Variants in ACOXL observed in about 807,000 individuals in gnomAD.
ACOXL encodes acyl-coenzyme A oxidase-like protein.
ACOXL carries 70 observed loss-of-function variants against 71.9 expected under a neutral mutation model. The ratio of observed to expected loss-of-function variants is 0.97; its 90% confidence interval spans 0.80 to 1.19. ACOXL has a LOEUF of 1.19. Ranked by LOEUF, ACOXL falls within the 50% of genes most tolerant of loss-of-function variation. The pLI is 0.00. For missense variants in ACOXL, 703 were observed against 736.3 expected (o/e 0.95, Z 0.52); for synonymous variants, 253 against 281.6 (o/e 0.90, Z 1.02).
intron 1 of ACOXL, among the ~76,000 whole-genome samples, chr2:110,752,801 C>T (rs1394504182): frequency 6.6e-6 from 1 of 152,058 alleles, no homozygotes; most frequent in African/African-American, 2.4e-5. Flanking sequence ...AATTTAGCAG[C>T]TTAAACCCCA....
At chr2:111,000,702 TC>T (rs1252364342) in intron 14 of ACOXL, among the ~76,000 whole-genome samples, 1 of 152,038 alleles carries the variant, frequency 6.6e-6, no homozygotes, top group Non-Finnish European at 1.5e-5. Context: ...CTCTCCAGGC[TC>T]CCCCTCTGTC....
intron 12 of ACOXL, among the ~76,000 whole-genome samples, chr2:110,985,395 G>A (rs1270480691): frequency 6.6e-6 from 1 of 151,950 alleles, no homozygotes; most frequent in African/African-American, 2.4e-5. Flanking sequence ...ATGAAATCAC[G>A]GATCACATAA....
At position 111,118,129 on chromosome 2, in the gene ACOXL, C is replaced by A. The variant is rs921207140; in HGVS notation, c.*313C>A. On this transcript the variant is annotated 3_prime_UTR_variant, in exon 18 of 18. Transcript: ENST00000439055. ...ATCAGGGTGGGCTCCCCGCTGCGAG[C>A]GCGCCCCACAGCCGGGTGCCGCCAA... 1.5e-5 allele frequency: 7 copies of A among 473,686 alleles called. No homozygotes were observed. The Admixed American group carries it at 1.5e-4, about 10-fold the overall frequency. 29.3% of individuals were successfully genotyped at this position (473,686 alleles called of 1,614,324 possible).
chr2:111,066,330 A>G (rs2067070050), intron 16 of ACOXL, among the ~76,000 whole-genome samples: 1 of 152,234 alleles, frequency 6.6e-6, no homozygotes, highest in Non-Finnish European at 1.5e-5. Flanking sequence ...ATATGACAAA[A>G]TTATATGGAG....
At chr2:110,950,703 A>G (rs945760076) in intron 12 of ACOXL, among the ~76,000 whole-genome samples, 3 of 152,178 alleles carry the variant, frequency 2.0e-5, no homozygotes, top group African/African-American at 7.2e-5. Context: ...ATTTGTGATC[A>G]TCTTACATCT....
At chr2:110,966,656 T>G (rs745787157) in intron 12 of ACOXL, among the ~76,000 whole-genome samples, 22 of 152,214 alleles carry the variant, frequency 1.4e-4, no homozygotes, top group Non-Finnish European at 3.2e-4. Context: ...GTGGGGGAGT[T>G]AATATCCTTC....
Position 110,963,661 on chromosome 2 carries a change from G to A in ACOXL, c.1060-23447G>A, listed in dbSNP as rs1465213795. On this transcript the variant is annotated intron_variant, in intron 12 of 17. Coordinates refer to ENST00000439055, the MANE Select transcript of ACOXL (RefSeq NM_001142807.4). ...GAAAATCGAATCTCAGGCTTAAAGT[G>A]TGACACAGATGTGTTTGCCACTTTT... The A allele has an allele frequency of 6.2e-6, 10 of 1,613,958 alleles. No individual in the cohort carries two copies. The East Asian group carries it at 6.7e-5, about 11-fold the overall frequency.
intron 10 of ACOXL, among the ~76,000 whole-genome samples, chr2:110,853,910 CTT>C (rs1160875655): frequency 2.8e-5 from 3 of 109,064 alleles, no homozygotes; most frequent in Non-Finnish European, 5.9e-5. Context: ...ATCTAGGACA[CTT>C]GTTTTTTTTT....
intron 2 of ACOXL, among the ~76,000 whole-genome samples, chr2:110,778,406 A>G (rs763231134): frequency 7.2e-5 from 11 of 152,200 alleles, no homozygotes; most frequent in Admixed American, 2.0e-4. Flanking sequence ...GCATATCCCA[A>G]TCTGGTCTTT....
At chr2:111,004,854 G>A (rs1480332072) in intron 14 of ACOXL, among the ~76,000 whole-genome samples, 1 of 152,164 alleles carries the variant, frequency 6.6e-6, no homozygotes, top group African/African-American at 2.4e-5. Context: ...AGTGATAGCA[G>A]CCACTCTGTG....
At chr2:110,849,400 A>G (rs1379930946) in intron 10 of ACOXL, among the ~76,000 whole-genome samples, 1 of 152,258 alleles carries the variant, frequency 6.6e-6, no homozygotes, top group Non-Finnish European at 1.5e-5. Context: ...CACAGCTCAA[A>G]TTAAAATCCC....
chr2:110,771,660 T>G (rs1206957125), intron 2 of ACOXL, among the ~76,000 whole-genome samples: 2 of 152,238 alleles, frequency 1.3e-5, no homozygotes, highest in Non-Finnish European at 1.5e-5. Flanking sequence ...TGAGTCTGAT[T>G]GCAGAGTGTG....
At chr2:111,098,457 C>T (rs1229749204) in intron 17 of ACOXL, 1 of 152,146 alleles carries the variant, frequency 6.6e-6, no homozygotes, top group Admixed American at 6.5e-5. Context: ...CTGCCTAGTA[C>T]CCATTAAAAC....
chr2:111,092,992 C>A, intron 17 of ACOXL, 26 bp downstream of exon 17: 1 of 1,561,822 alleles, frequency 6.4e-7, no homozygotes, highest in Non-Finnish European at 8.8e-7. Flanking sequence ...TACAGAAAAA[C>A]ACTTTGTACA....
At position 110,793,713 on chromosome 2, in the gene ACOXL, A is replaced by T; in HGVS notation, c.223A>T (p.Thr75Ser). 1 of 1,614,130 alleles carries T rather than the reference A, an allele frequency of 6.2e-7. No individual in the cohort carries two copies. The highest frequency in any genetic ancestry group is 1.1e-5 in the South Asian group (1 of 91,086). The change falls in exon 4 of 18, where the codon ACT becomes TCT. Residue 75 changes from threonine (T) to serine (S), a missense_variant. Thr to Ser is a moderately conservative substitution (Grantham distance 58, BLOSUM62 1). Coordinates refer to ENST00000439055, the MANE Select transcript of ACOXL (RefSeq NM_001142807.4). ...IRNLGSPEHVTKWFQPLQEQK... is the reference protein window; with the variant it reads ...IRNLGSPEHVSKWFQPLQEQK... ...GAATCTCGGAAGCCCTGAACATGTT[A>T]CTAAGTGGTTTCAGCCACTCCAGGT...
At chr2:110,758,523 G>T (rs1466603249) in intron 1 of ACOXL, among the ~76,000 whole-genome samples, 1 of 152,144 alleles carries the variant, frequency 6.6e-6, no homozygotes, top group East Asian at 1.9e-4. Flanking sequence ...TGTGGGGTCA[G>T]TAGTGATATC....
chr2:110,991,372 C>G (rs2063164500), intron 13 of ACOXL, among the ~76,000 whole-genome samples: 1 of 152,058 alleles, frequency 6.6e-6, no homozygotes, highest in Admixed American at 6.5e-5. Context: ...TGATTTTTCC[C>G]TTTGATCCTT....
intron 11 of ACOXL, among the ~76,000 whole-genome samples, chr2:110,914,365 C>T (rs2059760243): frequency 6.6e-6 from 1 of 152,118 alleles, no homozygotes; most frequent in African/African-American, 2.4e-5. Context: ...TGATGTATCT[C>T]TTTGTTTATA....
chr2:111,111,859 A>G (rs192137692), intron 17 of ACOXL, among the ~76,000 whole-genome samples: 63 of 152,340 alleles, frequency 4.1e-4, no homozygotes, highest in African/African-American at 1.4e-3. Context: ...AGAGATAAGG[A>G]AGGTAGTATG....
Sources: allele counts gnomAD v4.1 joint callset (sites outside exome capture counted in the v4.1 genomes callset), GRCh38; gene constraint gnomAD v4.1.1; transcripts MANE v1.5; gene names NCBI Gene and HGNC (gene_info 2026-07-23, HGNC 2026-07-21).